Variants in CHCHD3 observed in about 807,000 individuals in gnomAD.
The protein encoded by CHCHD3 is coiled-coil-helix-coiled-coil-helix domain containing 3.
Under a neutral mutation model 38.2 loss-of-function variants are expected in CHCHD3, and 20 were observed. The ratio of observed to expected loss-of-function variants is 0.52; its 90% CI spans 0.37 to 0.76. The LOEUF is 0.76. Ranked by LOEUF, CHCHD3 falls within the 30% of genes least tolerant of loss-of-function variation. The pLI is 0.00. For missense variants in CHCHD3, 245 were observed against 279.2 expected, an observed-to-expected ratio of 0.88 and a Z score of 0.87; for synonymous variants, 82 against 100.0, an observed-to-expected ratio of 0.82 and a Z score of 1.07.
At chr7:133,072,094 CAGG>C (rs1371822311) in intron 1 of CHCHD3, among the ~76,000 whole-genome samples, 1 of 151,340 alleles carries the variant, frequency 6.6e-6, no homozygotes, top group Non-Finnish European at 1.5e-5. Context: ...CACTTGAGCC[CAGG>C]AGGTCAAGGC....
At chr7:132,912,813 C>A (rs915952775) in intron 4 of CHCHD3, among the ~76,000 whole-genome samples, 3 of 152,230 alleles carry the variant, frequency 2.0e-5, no homozygotes, top group Non-Finnish European at 2.9e-5. Flanking sequence ...CCTTGGCCTT[C>A]CAAAGTGCTG....
Position 132,875,181 on chromosome 7 carries a change from T to C in CHCHD3, c.453+10481A>G, listed in dbSNP as rs113725424. ...TAATGGTGAAACACATCATGCAGCA[T>C]CCTCATCCTGGAGGCTCTAAGTGTA... is the stretch of plus-strand genomic sequence containing the variant. On this transcript the variant is annotated intron_variant, in intron 5 of 7. Coordinates refer to ENST00000262570, the MANE Select transcript of CHCHD3 (RefSeq NM_017812.4). Among the ~76,000 whole-genome samples the C allele has an allele frequency of 3.9e-5, 6 of 152,284 alleles. 1 individual carries two copies. Among genetic ancestry groups the C allele is most frequent in the African/African-American group, 1.4e-4 (6 of 41,554 alleles).
At chr7:132,827,672 T>C (rs1354288678) in intron 6 of CHCHD3, among the ~76,000 whole-genome samples, 1 of 152,192 alleles carries the variant, frequency 6.6e-6, no homozygotes, top group African/African-American at 2.4e-5. Flanking sequence ...ATTCCCAAAA[T>C]CTCAGAAATG....
At position 132,897,147 on chromosome 7, in the gene CHCHD3, T is replaced by A. The variant is rs147906197; in HGVS notation, c.370-11402A>T. Among the ~76,000 whole-genome samples the A allele has an allele frequency of 1.2e-4, 19 of 152,338 alleles. 1 individual carries two copies. Among genetic ancestry groups the A allele is most frequent in the Middle Eastern group, 3.4e-3 (1 of 292 alleles). ...AATATCTCTATCTTCTTATTCCATA[T>A]TGTGGGGAATAAAACTTCCATTTCC... is the stretch of plus-strand genomic sequence containing the variant. On this transcript the variant is annotated intron_variant, in intron 4 of 7. Coordinates refer to ENST00000262570, the MANE Select transcript of CHCHD3 (RefSeq NM_017812.4).
chr7:133,007,876 C>G (rs916162892), intron 3 of CHCHD3, among the ~76,000 whole-genome samples: 1 of 152,156 alleles, frequency 6.6e-6, no homozygotes, highest in African/African-American at 2.4e-5. Context: ...TGAATTAGAT[C>G]CGAGCATCCT....
At chr7:132,864,206 T>C (rs1363039155) in intron 5 of CHCHD3, among the ~76,000 whole-genome samples, 4 of 152,320 alleles carry the variant, frequency 2.6e-5, no homozygotes, top group East Asian at 1.9e-4. Flanking sequence ...TTCCTTTCAA[T>C]TGAACACTCA....
intron 4 of CHCHD3, among the ~76,000 whole-genome samples, chr7:132,892,127 T>C (rs1809376807): frequency 6.6e-6 from 1 of 152,178 alleles, no homozygotes; most frequent in African/African-American, 2.4e-5. Flanking sequence ...TGGAACTGGG[T>C]AATGGACAGA....
chr7:132,903,845 C>A (rs1585622970), intron 4 of CHCHD3, among the ~76,000 whole-genome samples: 2 of 152,304 alleles, frequency 1.3e-5, no homozygotes, highest in East Asian at 1.9e-4. Context: ...AGATTCCAGA[C>A]CAGAGGAAAG....
intron 6 of CHCHD3, among the ~76,000 whole-genome samples, chr7:132,829,015 T>C (rs1400292846): frequency 1.3e-5 from 2 of 152,334 alleles, no homozygotes; most frequent in Middle Eastern, 3.4e-3. Flanking sequence ...GACAATTAAC[T>C]CTTAACTTGG....
At chr7:132,951,062 A>C (rs995023503) in intron 4 of CHCHD3, among the ~76,000 whole-genome samples, 1 of 152,204 alleles carries the variant, frequency 6.6e-6, no homozygotes, top group African/African-American at 2.4e-5. Flanking sequence ...AAAAACAGCA[A>C]GAGTTTCTCT....
Position 133,035,025 on chromosome 7 carries a change from T to A in CHCHD3, c.170-10398A>T. 1 of 1,613,018 alleles carries A rather than the reference T, an allele frequency of 6.2e-7. No individual in the cohort carries two copies. Reference sequence around the variant, plus strand: ...CAGTGCCACAGAGAGTGTGTCCTCATTGGAGTACTTGCGCTTAAATTCATC... The same window carrying A: ...CAGTGCCACAGAGAGTGTGTCCTCAATGGAGTACTTGCGCTTAAATTCATC... On this transcript the variant is annotated intron_variant, in intron 2 of 7. Coordinates refer to ENST00000262570, the MANE Select transcript of CHCHD3 (RefSeq NM_017812.4). This position sits in a 1 kb window ranked among gnomAD's most constrained non-coding sequence, Gnocchi z 4.7.
At chr7:133,034,395 C>G (rs1813589251) in intron 2 of CHCHD3, among the ~76,000 whole-genome samples, 1 of 151,336 alleles carries the variant, frequency 6.6e-6, no homozygotes, top group African/African-American at 2.4e-5. Context: ...ATTAAACTAT[C>G]TAGAATAAAT....
intron 5 of CHCHD3, among the ~76,000 whole-genome samples, chr7:132,849,895 T>C (rs1354758643): frequency 6.6e-6 from 1 of 152,152 alleles, no homozygotes; most frequent in East Asian, 1.9e-4. Context: ...ATAATAGGTG[T>C]CTGGGGCTCT....
intron 5 of CHCHD3, among the ~76,000 whole-genome samples, chr7:132,858,714 TC>T (rs984898063): frequency 4.6e-5 from 7 of 152,168 alleles, no homozygotes; most frequent in Non-Finnish European, 1.0e-4. Context: ...ATTGCCCATA[TC>T]CCATCAAATC....
chr7:132,987,184 G>A (rs1033315796), intron 3 of CHCHD3, among the ~76,000 whole-genome samples: 4 of 152,110 alleles, frequency 2.6e-5, no homozygotes, highest in African/African-American at 9.7e-5. Context: ...GGATCATAAG[G>A]ACCTTTCTTC....
At chr7:132,970,027 G>A (rs1214063276) in intron 4 of CHCHD3, among the ~76,000 whole-genome samples, 1 of 152,122 alleles carries the variant, frequency 6.6e-6, no homozygotes, top group Non-Finnish European at 1.5e-5. Context: ...GCTTTTTGTG[G>A]CAATCAGGTA....
At position 132,896,263 on chromosome 7, in the gene CHCHD3, C is replaced by A. The variant is rs184077415; in HGVS notation, c.370-10518G>T. ...ATCAAAGCTTCTATCACATATAAGA[C>A]TTTGAATCCATTTAACTTATGTTCA... On this transcript the variant is annotated intron_variant, in intron 4 of 7. Transcript: ENST00000262570. Among the ~76,000 whole-genome samples, 307 of 152,318 alleles carry A rather than the reference C, an allele frequency of 2.0e-3. 1 individual carries two copies. The highest frequency in any genetic ancestry group is 1.9e-3 in the Non-Finnish European group (131 of 68,026).
In CHCHD3 at chr7:133,035,712, A is replaced by G; in HGVS notation, c.170-11085T>C. 1 of 1,613,418 alleles carries G rather than the reference A, an allele frequency of 6.2e-7. No homozygotes were observed. The highest frequency in any genetic ancestry group is 8.5e-7 in the Non-Finnish European group (1 of 1,179,428). ...ATAGTAGGCAATGGCGTTGCTCTCA[A>G]ACACACAGAATCCATCATCACCCTC... On this transcript the variant is annotated intron_variant, in intron 2 of 7. Transcript: ENST00000262570. The surrounding 1 kb of genome is among the most constrained non-coding windows in gnomAD (Gnocchi z 4.7).
intron 3 of CHCHD3, among the ~76,000 whole-genome samples, chr7:132,996,276 A>G (rs1470080735): frequency 1.3e-5 from 2 of 152,096 alleles, no homozygotes; most frequent in African/African-American, 2.4e-5. Flanking sequence ...CTGCAATCCA[A>G]CTGGCCCTAA....
Sources: allele counts gnomAD v4.1 joint callset (sites outside exome capture counted in the v4.1 genomes callset), GRCh38; gene constraint gnomAD v4.1.1; non-coding constraint Gnocchi (gnomAD v3.1); transcripts MANE v1.5; gene names NCBI Gene and HGNC (gene_info 2026-07-23, HGNC 2026-07-21).